CRADD: variants seen among roughly 807,000 people sequenced by gnomAD.
CRADD encodes CARD and death domain containing adaptor protein.
CRADD carries 9 observed loss-of-function variants against 15.5 expected under a neutral mutation model. The observed-to-expected ratio is 0.58, with a 90% CI of 0.35 to 1.01. The LOEUF is 1.01. Ranked by LOEUF, CRADD falls within the 50% of genes least tolerant of loss-of-function variation. CRADD has a pLI of 0.02. For missense variants in CRADD, 227 were observed against 250.3 expected (o/e 0.91, Z 0.63); for synonymous variants, 118 against 107.6 (o/e 1.10, Z -0.60).
intron 2 of CRADD, among the ~76,000 whole-genome samples, chr12:93,720,199 A>T (rs558699324): frequency 5.5e-4 from 84 of 152,194 alleles, no homozygotes; most frequent in African/African-American, 2.0e-3. Flanking sequence ...GTTACTTAGA[A>T]GTGTATTGTT....
At chr12:93,831,961 C>T (rs58533456) in intron 2 of CRADD, among the ~76,000 whole-genome samples, 2,765 of 152,272 alleles carry the variant, frequency 0.018, 75 homozygotes, top group African/African-American at 0.058. Flanking sequence ...GGGTTTTTTG[C>T]TAGGGTGATA....
intron 2 of CRADD, among the ~76,000 whole-genome samples, chr12:93,823,143 T>C (rs1198427677): frequency 6.6e-6 from 1 of 152,026 alleles, no homozygotes; most frequent in East Asian, 1.9e-4. Context: ...AAATACAAAA[T>C]TAGCCTGGCG....
chr12:93,788,335 G>A (rs150094450), intron 2 of CRADD, among the ~76,000 whole-genome samples: 65 of 152,230 alleles, frequency 4.3e-4, no homozygotes, highest in African/African-American at 1.4e-3. Context: ...AGAACAGGAT[G>A]GAGGAAACCA....
intron 2 of CRADD, among the ~76,000 whole-genome samples, chr12:93,825,419 G>A (rs539493610): frequency 6.6e-6 from 1 of 152,188 alleles, no homozygotes; most frequent in Non-Finnish European, 1.5e-5. Context: ...AGATGATGGT[G>A]ATACCTATCT....
intron 2 of CRADD, among the ~76,000 whole-genome samples, chr12:93,886,708 A>C (rs761100572): frequency 6.6e-6 from 1 of 152,220 alleles, no homozygotes; most frequent in Admixed American, 6.5e-5. Flanking sequence ...AACGAAAACA[A>C]ACAATCCTAT....
chr12:93,707,484 G>A (rs755829935), intron 2 of CRADD, among the ~76,000 whole-genome samples: 6 of 152,148 alleles, frequency 3.9e-5, no homozygotes, highest in Non-Finnish European at 5.9e-5. Context: ...CTCTGGGCAG[G>A]GGGCTTAGCT....
At chr12:93,765,324 AT>A (rs1005404893) in intron 2 of CRADD, among the ~76,000 whole-genome samples, 8 of 151,896 alleles carry the variant, frequency 5.3e-5, no homozygotes, top group African/African-American at 1.9e-4. Context: ...ATTAATAGTA[AT>A]AATAATAATG....
intron 2 of CRADD, among the ~76,000 whole-genome samples, chr12:93,723,878 T>C (rs1592930275): frequency 6.6e-6 from 1 of 152,116 alleles, no homozygotes; most frequent in East Asian, 1.9e-4. Flanking sequence ...GTTCATCACA[T>C]GGAAGGCTTG....
In CRADD at chr12:93,746,615, A is replaced by G. The variant is rs549442945; in HGVS notation, c.298+67543A>G. On this transcript the variant is annotated intron_variant, in intron 2 of 2. Transcript: ENST00000332896. The stretch of plus-strand genomic sequence containing the variant: ...GTGGTATTCCAAAAGTTCCTTTTTA[A>G]GTTGCTTGTTTGAAATTAAGAATGT... Among the ~76,000 whole-genome samples the G allele has an allele frequency of 4.6e-5, 7 of 152,310 alleles. No individual in the cohort carries two copies. The East Asian group carries it at 1.4e-3, about 29-fold the overall frequency.
intron 2 of CRADD, among the ~76,000 whole-genome samples, chr12:93,723,060 T>A (rs1956292631): frequency 6.6e-6 from 1 of 152,208 alleles, no homozygotes; most frequent in Non-Finnish European, 1.5e-5. Flanking sequence ...CCTAACTGAC[T>A]CCATGTTGCT....
At chr12:93,881,307 G>GT (rs1336653269) in intron 2 of CRADD, among the ~76,000 whole-genome samples, 1 of 152,084 alleles carries the variant, frequency 6.6e-6, no homozygotes, top group Non-Finnish European at 1.5e-5. Context: ...TTGTTTGTTT[G>GT]TTTGGCAGCA....
chr12:93,767,829 T>G (rs1448913782), intron 2 of CRADD, among the ~76,000 whole-genome samples: 1 of 152,184 alleles, frequency 6.6e-6, no homozygotes, highest in Non-Finnish European at 1.5e-5. Flanking sequence ...AAAGATGTAT[T>G]TTAAATGCAA....
chr12:93,689,450 C>T (rs1158583284), intron 2 of CRADD, among the ~76,000 whole-genome samples: 1 of 151,090 alleles, frequency 6.6e-6, no homozygotes, highest in Non-Finnish European at 1.5e-5. Context: ...TTCCCCCAGA[C>T]TAAAAAAAAG....
At chr12:93,873,551 A>T (rs35784448) in intron 2 of CRADD, among the ~76,000 whole-genome samples, 1 of 151,844 alleles carries the variant, frequency 6.6e-6, no homozygotes. Flanking sequence ...TGGGTGTTTC[A>T]TATCTGACTT....
At chr12:93,880,090 G>A (rs1279153583) in intron 2 of CRADD, among the ~76,000 whole-genome samples, 1 of 152,090 alleles carries the variant, frequency 6.6e-6, no homozygotes, top group African/African-American at 2.4e-5. Context: ...TCACTGTGGT[G>A]GACTGTGTGT....
rs192837643 is a variant in CRADD at position 93,778,203 on chromosome 12, C to T, written c.299-71767C>T. On this transcript the variant is annotated intron_variant, in intron 2 of 2. Coordinates refer to ENST00000332896, the MANE Select transcript of CRADD (RefSeq NM_003805.5). ...TGAAAATACCATGGTTATTAAACAA[C>T]TAGTCTTTGTGCGTGATTAGGACAT... is the stretch of plus-strand genomic sequence containing the variant. Among the ~76,000 whole-genome samples, 349 of 152,308 alleles carry T rather than the reference C, an allele frequency of 2.3e-3. 4 individuals are homozygous for T. The South Asian group carries it at 0.027, about 12-fold the overall frequency.
At chr12:93,746,517 A>G (rs1956753651) in intron 2 of CRADD, among the ~76,000 whole-genome samples, 1 of 152,206 alleles carries the variant, frequency 6.6e-6, no homozygotes, top group African/African-American at 2.4e-5. Flanking sequence ...TTTTTGCAGA[A>G]TGAAAACTTT....
intron 2 of CRADD, among the ~76,000 whole-genome samples, chr12:93,809,959 C>T (rs1045686312): frequency 6.6e-6 from 1 of 152,138 alleles, no homozygotes; most frequent in Non-Finnish European, 1.5e-5. Flanking sequence ...CTTATATAAC[C>T]TTCTCGCTCA....
At chr12:93,679,140 T>G in intron 2 of CRADD, 68 bp downstream of exon 2, 1 of 1,319,294 alleles carries the variant, frequency 7.6e-7, no homozygotes. Flanking sequence ...GCTTTTTTGT[T>G]TATTTGTTTG....
Sources: allele counts gnomAD v4.1 joint callset (sites outside exome capture counted in the v4.1 genomes callset), GRCh38; gene constraint gnomAD v4.1.1; transcripts MANE v1.5; gene names NCBI Gene and HGNC (gene_info 2026-07-23, HGNC 2026-07-21).